The following IL12RB2 variants were observed in gnomAD, a reference collection of about 807,000 sequenced individuals.
IL12RB2 encodes interleukin 12 receptor subunit beta 2, also known as interleukin-12 receptor subunit beta-2.
IL12RB2 carries 82 observed loss-of-function variants against 89.4 expected under a neutral mutation model. The ratio of observed to expected loss-of-function variants is 0.92; its 90% CI spans 0.77 to 1.10. IL12RB2 has a LOEUF of 1.10. Ranked by LOEUF, IL12RB2 falls within the 50% of genes least tolerant of loss-of-function variation. IL12RB2 has a pLI of 0.00. For missense variants in IL12RB2, 963 were observed against 1,031.9 expected (o/e 0.93, Z 0.92); for synonymous variants, 368 against 370.1 (o/e 0.99, Z 0.07).
chr1:67,321,316 T>C, intron 3 of IL12RB2, among the ~76,000 whole-genome samples: 1 of 152,204 alleles, frequency 6.6e-6, no homozygotes, highest in East Asian at 1.9e-4. Context: ...TGTTCCTGAA[T>C]GTTCTTCCAA....
rs374557242 is a variant in IL12RB2, at chr1:67,372,542, T to G, written c.1558+8T>G. On this transcript the variant is annotated splice_region_variant and intron_variant, in intron 12 of 16. Coordinates refer to ENST00000674203, the MANE Select transcript of IL12RB2 (RefSeq NM_001374259.2). ...GTAACTCTAAGCACAAAGGTGAGTC[T>G]TGGGATCTTTTGCCAAATTTTGCTT... 1.4e-5 allele frequency: 23 copies of G among 1,601,348 alleles called. No individual in the cohort carries two copies. The highest frequency in any genetic ancestry group is 1.7e-5 in the Admixed American group (1 of 59,982).
chr1:67,359,358 TGC>T (rs958286942), intron 10 of IL12RB2, among the ~76,000 whole-genome samples: 6 of 152,180 alleles, frequency 3.9e-5, no homozygotes, highest in Non-Finnish European at 8.8e-5. Context: ...GAAAAGTTAT[TGC>T]CTAAATCACT....
intron 16 of IL12RB2, among the ~76,000 whole-genome samples, chr1:67,394,402 G>A (rs1268365190): frequency 6.6e-6 from 1 of 152,072 alleles, no homozygotes; most frequent in Non-Finnish European, 1.5e-5. Flanking sequence ...CTCAGGAATT[G>A]GCAGCAAGTT....
intron 16 of IL12RB2, among the ~76,000 whole-genome samples, chr1:67,391,301 C>T (rs1665785438): frequency 6.6e-6 from 1 of 151,114 alleles, no homozygotes; most frequent in Non-Finnish European, 1.5e-5. Context: ...TAAGTCTCCT[C>T]TGAGGGATTT....
intron 11 of IL12RB2, among the ~76,000 whole-genome samples, chr1:67,368,662 T>C (rs541227437): frequency 1.3e-5 from 2 of 152,370 alleles, no homozygotes; most frequent in Admixed American, 1.3e-4. Context: ...TTGTTAAGCA[T>C]AAATTCAGCA....
chr1:67,380,595 A>G (rs1664470498), intron 14 of IL12RB2, among the ~76,000 whole-genome samples: 1 of 152,236 alleles, frequency 6.6e-6, no homozygotes, highest in South Asian at 2.1e-4. Flanking sequence ...TGTATACTAC[A>G]TTAATTTGCT....
At chr1:67,349,608 A>T (rs1660607550) in intron 9 of IL12RB2, among the ~76,000 whole-genome samples, 1 of 152,226 alleles carries the variant, frequency 6.6e-6, no homozygotes, top group Admixed American at 6.5e-5. Context: ...CCACAGCAAC[A>T]TGACATCCAC....
At chr1:67,333,087 A>C (rs553058516) in intron 8 of IL12RB2, among the ~76,000 whole-genome samples, 2 of 152,332 alleles carry the variant, frequency 1.3e-5, no homozygotes, top group East Asian at 3.9e-4. Flanking sequence ...GAAGGTATTC[A>C]TAAAGAGAGA....
At chr1:67,391,258 T>A (rs978118894) in intron 16 of IL12RB2, among the ~76,000 whole-genome samples, 5 of 151,818 alleles carry the variant, frequency 3.3e-5, no homozygotes, top group Admixed American at 6.6e-5. Context: ...AAGACAAAGA[T>A]CATTCACTTT....
chr1:67,366,970 AAC>A (rs1662743251), intron 10 of IL12RB2, among the ~76,000 whole-genome samples: 1 of 152,250 alleles, frequency 6.6e-6, no homozygotes, highest in Non-Finnish European at 1.5e-5. Context: ...ATGAAAATTC[AAC>A]ACATACGCAC....
At chr1:67,353,344 G>A (rs1311240414) in intron 10 of IL12RB2, among the ~76,000 whole-genome samples, 1 of 152,184 alleles carries the variant, frequency 6.6e-6, no homozygotes, top group Non-Finnish European at 1.5e-5. Flanking sequence ...CAAGGTGGGA[G>A]GATTGCTTGA....
intron 14 of IL12RB2, among the ~76,000 whole-genome samples, chr1:67,382,187 G>A (rs976726910): frequency 6.6e-6 from 1 of 152,162 alleles, no homozygotes; most frequent in Non-Finnish European, 1.5e-5. Flanking sequence ...TTCCACACCT[G>A]CCTGGGCAAC....
At chr1:67,327,145 G>C (rs552845774) in intron 5 of IL12RB2, among the ~76,000 whole-genome samples, 12 of 151,924 alleles carry the variant, frequency 7.9e-5, no homozygotes, top group African/African-American at 2.9e-4. Flanking sequence ...ATTTTTAGCA[G>C]AGACGGGGTT....
chr1:67,326,921 T>A (rs1320268781), intron 5 of IL12RB2, 72 bp downstream of exon 5: 1 of 1,203,198 alleles, frequency 8.3e-7, no homozygotes, highest in African/African-American at 1.6e-5. Context: ...AATATCTGTT[T>A]TCTTTATTTA....
In IL12RB2 at chr1:67,328,309, A is replaced by G. The variant is rs755027807; in HGVS notation, c.589A>G (p.Thr197Ala). The change falls in exon 6 of 17, where the codon ACA becomes GCA. Residue 197 changes from threonine to alanine, a missense_variant. Coordinates refer to ENST00000674203, the MANE Select transcript of IL12RB2 (RefSeq NM_001374259.2). Reference sequence around the variant, plus strand: ...CCCTGAATCACCTGAATCCAATTTCACAGCCAAGGTTACTGCTGTCAATAG... The same window carrying G: ...CCCTGAATCACCTGAATCCAATTTCGCAGCCAAGGTTACTGCTGTCAATAG... The part of the protein sequence containing the change: ...LTPESPESNF[T>A]AKVTAVNSLG... 3.1e-5 allele frequency: 50 copies of G among 1,614,086 alleles called. No homozygotes were observed. The South Asian group carries it at 4.9e-4, about 16-fold the overall frequency.
chr1:67,390,009 AC>A lies in IL12RB2; in HGVS notation c.1947-19del. 1.0e-6 allele frequency: 1 copy of A among 963,786 alleles called. No individual in the cohort carries two copies. Among genetic ancestry groups the A allele is most frequent in the Non-Finnish European group, 1.7e-6 (1 of 585,360 alleles). The allele number at this position is 963,786 out of a possible 1,614,324, so 59.7% of individuals were successfully genotyped here. On this transcript the variant is annotated intron_variant, in intron 15 of 16. Coordinates refer to ENST00000674203, the MANE Select transcript of IL12RB2 (RefSeq NM_001374259.2). ...CTGTGTGCACACCTAAGGAAATGTC[AC>A]TGTTTTCTTTATCTATAGGGTGTTT...
rs11449571 is a variant in IL12RB2, at chr1:67,337,901, TAAAA to T, written c.959-710_959-707del. Among the ~76,000 whole-genome samples the T allele has an allele frequency of 4.4e-3, 588 of 132,292 alleles. 2 individuals carry two copies. The highest frequency in any genetic ancestry group is 4.8e-3 in the Admixed American group (63 of 13,182). 86.8% of individuals were successfully genotyped at this position (132,292 alleles called of 152,430 possible). A position where few individuals can be genotyped will look rare whatever the true frequency, so the allele number is the denominator to read the frequency against. On this transcript the variant is annotated intron_variant, in intron 8 of 16. Coordinates refer to ENST00000674203, the MANE Select transcript of IL12RB2 (RefSeq NM_001374259.2). ...GTTGAGAATTCTTTCTGCATTCTAG[TAAAA>T]AAAAAAAAAAAAGAAAAGAAAAGAA...
At chr1:67,376,335 G>A (rs1053122671) in intron 13 of IL12RB2, among the ~76,000 whole-genome samples, 1 of 152,140 alleles carries the variant, frequency 6.6e-6, no homozygotes, top group Non-Finnish European at 1.5e-5. Context: ...ACCACTCTAC[G>A]CTTTGTGAAA....
In IL12RB2 at chr1:67,351,002, G is replaced by A. The variant is rs143623866; in HGVS notation, c.1171G>A (p.Gly391Arg). ...TSWTTVIPRT[G>R]NWAVAVSAAN... Reference sequence around the variant, plus strand: ...CTGGACCACAGTCATTCCTAGAACCGGAAATTGGGCTGTGGCTGTGTCTGC... The same window carrying A: ...CTGGACCACAGTCATTCCTAGAACCAGAAATTGGGCTGTGGCTGTGTCTGC... Residue 391 changes from glycine to arginine, a missense_variant, in exon 10 of 17, where the codon GGA (glycine) becomes AGA (arginine). Transcript: ENST00000674203. The A allele has an allele frequency of 8.9e-5, 143 of 1,614,054 alleles. No individual in the cohort carries two copies. In the African/African-American group the frequency reaches 1.1e-3, roughly 13 times the overall value.
Sources: allele counts gnomAD v4.1 joint callset (sites outside exome capture counted in the v4.1 genomes callset), GRCh38; gene constraint gnomAD v4.1.1; transcripts MANE v1.5; gene names NCBI Gene and HGNC (gene_info 2026-07-23, HGNC 2026-07-21).